CFTR: variants seen among roughly 807,000 people sequenced by gnomAD.
CFTR encodes the protein cystic fibrosis transmembrane conductance regulator.
In CFTR, 181 loss-of-function variants were observed where a neutral mutation model predicts 171.6. That is an observed-to-expected ratio of 1.05 (90% CI 0.93 to 1.19). The LOEUF (loss-of-function observed/expected upper bound fraction) is 1.19, where lower values mean the gene tolerates loss of function less well. CFTR is among the 50% of genes most tolerant of loss of function. The probability of loss-of-function intolerance (pLI) is 0.00; values close to 1 mark genes in which losing one functional copy is unlikely to be tolerated. For synonymous variants in CFTR, 583 were observed against 608.0 expected (o/e 0.96, Z 0.60); for missense variants, 1,968 against 1,734.7 (o/e 1.13, Z -2.39).
At chr7:117,484,264 T>C (rs1368054454) in intron 1 of CFTR, among the ~76,000 whole-genome samples, 1 of 152,188 alleles carries the variant, frequency 6.6e-6, no homozygotes, top group African/African-American at 2.4e-5. Flanking sequence ...CAAAATAAAA[T>C]AGATGCATAA....
intron 1 of CFTR, among the ~76,000 whole-genome samples, chr7:117,496,469 G>T (rs1489244642): frequency 6.6e-6 from 1 of 152,104 alleles, no homozygotes; most frequent in Admixed American, 6.5e-5. Flanking sequence ...ATCCTAAAGT[G>T]CTGGGATTAT....
chr7:117,626,682 G>A (rs930297901), intron 21 of CFTR, among the ~76,000 whole-genome samples: 4 of 151,668 alleles, frequency 2.6e-5, no homozygotes, highest in African/African-American at 4.8e-5. Context: ...CTTTATTCAT[G>A]TATTGTTCAA....
intron 12 of CFTR, 80 bp downstream of exon 12, chr7:117,587,913 G>A: frequency 1.1e-6 from 1 of 873,998 alleles, no homozygotes; most frequent in Non-Finnish European, 1.9e-6. Flanking sequence ...TTTCTCTATT[G>A]CTTTATATTC....
chr7:117,552,461 A>G (rs1799288327), intron 10 of CFTR, among the ~76,000 whole-genome samples: 2 of 152,160 alleles, frequency 1.3e-5, no homozygotes, highest in South Asian at 4.1e-4. Flanking sequence ...AGAATTGTAA[A>G]ATTTACTGAA....
At chr7:117,652,817 C>T (rs556283531) in intron 23 of CFTR, 25 bp from the exon 24 acceptor site, 4 of 1,128,628 alleles carry the variant, frequency 3.5e-6, no homozygotes, top group Non-Finnish European at 5.4e-6. Flanking sequence ...TTCATACTTT[C>T]TTCTTCTTTT....
At chr7:117,482,138 T>A (rs1562876927) in intron 1 of CFTR, among the ~76,000 whole-genome samples, 1 of 152,184 alleles carries the variant, frequency 6.6e-6, no homozygotes, top group Non-Finnish European at 1.5e-5. Context: ...ATGCAATGAG[T>A]GGGCCTGTAT....
At chr7:117,625,300 T>G (rs1584829254) in intron 21 of CFTR, among the ~76,000 whole-genome samples, 2 of 152,232 alleles carry the variant, frequency 1.3e-5, no homozygotes. Context: ...TTTTCTAAAT[T>G]TGATTGGTAC....
chr7:117,653,180 T>C (rs530163720), intron 24 of CFTR, among the ~76,000 whole-genome samples: 60 of 152,334 alleles, frequency 3.9e-4, no homozygotes, highest in African/African-American at 1.4e-3. Flanking sequence ...CTACACACTT[T>C]GTGTGCATGT....
At chr7:117,482,787 C>T (rs572759021) in intron 1 of CFTR, among the ~76,000 whole-genome samples, 1 of 152,296 alleles carries the variant, frequency 6.6e-6, no homozygotes, top group South Asian at 2.1e-4. Flanking sequence ...TCTCTTCTCT[C>T]ATGCCCTGAA....
rs397508567 is a variant in CFTR, at chr7:117,614,703, T to A, written c.3458T>A (p.Val1153Glu). Residue 1153 changes from valine (V) to glutamate (E), a missense_variant, in exon 21 of 27, where the codon GTG becomes GAG. Physicochemically the swap from Val to Glu is moderately radical, Grantham distance 121. Coordinates refer to ENST00000003084, the MANE Select transcript of CFTR (RefSeq NM_000492.4). ...LQWAVNSSID[V>E]DSLMRSVSRV... ...TGGGCTGTAAACTCCAGCATAGATG[T>A]GGATAGCTTGGTAAGTCTTATCATC... 55 of 1,608,492 alleles carry A rather than the reference T, an allele frequency of 3.4e-5. No homozygotes were observed. Among genetic ancestry groups the A allele is most frequent in the Non-Finnish European group, 4.3e-5 (51 of 1,175,316 alleles).
At chr7:117,608,849 A>T (rs183151898) in intron 18 of CFTR, among the ~76,000 whole-genome samples, 252 of 151,930 alleles carry the variant, frequency 1.7e-3, no homozygotes, top group Middle Eastern at 3.4e-3. Flanking sequence ...TTCTTTTTTT[A>T]AAAAAAAGTC....
chr7:117,657,883 C>T (rs1017089259), intron 24 of CFTR, among the ~76,000 whole-genome samples: 1 of 152,162 alleles, frequency 6.6e-6, no homozygotes, highest in African/African-American at 2.4e-5. Flanking sequence ...TTGGACTTGG[C>T]TTCCATGTCC....
intron 12 of CFTR, 111 bp downstream of exon 12, chr7:117,587,944 T>C: frequency 1.3e-6 from 1 of 742,760 alleles, no homozygotes; most frequent in East Asian, 2.7e-5. Flanking sequence ...ATTGAAAAAA[T>C]CCTGGGGTTT....
rs397508550 is a variant in CFTR at position 117,614,634 on chromosome 7, G to T, written c.3389G>T (p.Gly1130Val). Residue 1130 changes from glycine (G) to valine (V), a missense_variant, in exon 21 of 27, where the codon GGT becomes GTT. Gly to Val is a moderately radical substitution (Grantham distance 109, BLOSUM62 -3). Coordinates refer to ENST00000003084, the MANE Select transcript of CFTR (RefSeq NM_000492.4). Reference sequence around the variant, plus strand: ...ATAGGAGAAGGAGAAGGAAGAGTTGGTATTATCCTGACTTTAGCCATGAAT... The same window carrying T: ...ATAGGAGAAGGAGAAGGAAGAGTTGTTATTATCCTGACTTTAGCCATGAAT... ...LTTGEGEGRV[G>V]IILTLAMNIM... 4 of 1,611,056 alleles carry T rather than the reference G, an allele frequency of 2.5e-6. No individual in the cohort carries two copies. Among genetic ancestry groups the T allele is most frequent in the South Asian group, 2.2e-5 (2 of 91,010 alleles).
chr7:117,542,633 A>G (rs1157050705), intron 9 of CFTR, among the ~76,000 whole-genome samples: 1 of 152,202 alleles, frequency 6.6e-6, no homozygotes. Flanking sequence ...TTTAAGTCAT[A>G]CAATTTGTTT....
In CFTR at chr7:117,668,195, T is replaced by C. The variant is rs149773701; in HGVS notation, c.*1087T>C. ...CATGAATTAGTTTTATATGCTTCTG[T>C]TTTATAATTTTGTGAAGCAAAATTT... On this transcript the variant is annotated 3_prime_UTR_variant, in exon 27 of 27. Transcript: ENST00000003084. 10 of 152,348 alleles carry C rather than the reference T, an allele frequency of 6.6e-5. No homozygotes were observed. In the East Asian group the frequency reaches 1.7e-3, roughly 26 times the overall value. 9.4% of individuals were successfully genotyped at this position (152,348 alleles called of 1,614,324 possible).
intron 20 of CFTR, among the ~76,000 whole-genome samples, chr7:117,612,634 T>A (rs914365196): frequency 5.3e-5 from 8 of 152,090 alleles, no homozygotes; most frequent in Non-Finnish European, 7.4e-5. Context: ...TGTAGGATCA[T>A]TTGATTGTAG....
At chr7:117,517,891 T>C (rs1220266500) in intron 3 of CFTR, among the ~76,000 whole-genome samples, 1 of 152,210 alleles carries the variant, frequency 6.6e-6, no homozygotes, top group Non-Finnish European at 1.5e-5. Context: ...TCCCCACTTT[T>C]TGATGGGGTT....
intron 11 of CFTR, among the ~76,000 whole-genome samples, chr7:117,561,473 T>A (rs1304051158): frequency 6.6e-6 from 1 of 152,134 alleles, no homozygotes; most frequent in African/African-American, 2.4e-5. Flanking sequence ...CCTTTGTAGC[T>A]AAGTCTCCCC....
Sources: gnomAD v4.1 joint callset for allele counts (sites outside exome capture counted in the v4.1 genomes callset) on GRCh38, gnomAD v4.1.1 for gene constraint, MANE v1.5 for transcripts, NCBI Gene and HGNC (gene_info 2026-07-23, HGNC 2026-07-21) for gene names.